TBCD: variants seen among roughly 807,000 people sequenced by gnomAD.
TBCD encodes tubulin folding cofactor D, also known as tubulin-specific chaperone D.
TBCD carries 105 observed loss-of-function variants against 169.3 expected under a neutral mutation model. That is an observed-to-expected ratio of 0.62 (90% CI 0.53 to 0.73). TBCD has a LOEUF of 0.73. Among genes scored for constraint, TBCD ranks in the 30% least tolerant of loss-of-function variants. The probability of loss-of-function intolerance (pLI) is 0.00; values close to 1 mark genes in which losing one functional copy is unlikely to be tolerated. For synonymous variants in TBCD, 700 were observed against 643.9 expected, an observed-to-expected ratio of 1.09 and a Z score of -1.32; for missense variants, 1,444 against 1,600.1, an observed-to-expected ratio of 0.90 and a Z score of 1.66.
At chr17:82,795,433 C>A in intron 7 of TBCD, 1 of 598,734 alleles carries the variant, frequency 1.7e-6, no homozygotes, top group Non-Finnish European at 2.1e-6. Flanking sequence ...CACAGCTGCT[C>A]TTCTGGTTTA....
At chr17:82,891,512 C>G (rs905457319) in intron 16 of TBCD, among the ~76,000 whole-genome samples, 1 of 152,198 alleles carries the variant, frequency 6.6e-6, no homozygotes, top group Non-Finnish European at 1.5e-5. Context: ...CTCCCAGCCC[C>G]GCACGGCCAT....
Position 82,857,746 on chromosome 17 carries a change from G to GGT in TBCD, c.1319-12478_1319-12477insGT, listed in dbSNP as rs1555618438. 8.1e-4 allele frequency among the ~76,000 whole-genome samples: 108 copies of GGT among 132,526 alleles called. 1 individual carries two copies. The highest frequency in any genetic ancestry group is 3.0e-3 in the African/African-American group (107 of 35,224). 86.9% of individuals were successfully genotyped at this position (132,526 alleles called of 152,430 possible). ...ACAACCTTGCTGCTTGTGTCTCATGGTTTTTTTTTTTTTTTAATTTAATTT... is the reference window on the plus strand; with the variant it reads ...ACAACCTTGCTGCTTGTGTCTCATGGGTTTTTTTTTTTTTTTTAATTTAATTT... On this transcript the variant is annotated intron_variant, in intron 13 of 38. Transcript: ENST00000355528.
At chr17:82,783,335 A>G (rs1286047330) in intron 7 of TBCD, among the ~76,000 whole-genome samples, 1 of 152,360 alleles carries the variant, frequency 6.6e-6, no homozygotes, top group East Asian at 1.9e-4. Context: ...CAACCTCCAC[A>G]TAAATGTGAC....
intron 28 of TBCD, 128 bp downstream of exon 28, chr17:82,926,619 G>C: frequency 1.3e-6 from 1 of 761,502 alleles, no homozygotes; most frequent in South Asian, 1.8e-5. Context: ...CTCTCTTCCA[G>C]AGGATCGTCA....
Position 82,830,029 on chromosome 17 carries a change from C to A in TBCD, c.1318+15095C>A, listed in dbSNP as rs1034808600. On this transcript the variant is annotated intron_variant, in intron 13 of 38. Transcript: ENST00000355528. Reference sequence around the variant, plus strand: ...TTTGTTTGTTTGTTTTTTTGAGAAGCAGCAGCTGCATTTGTAAAAATGTGA... The same window carrying A: ...TTTGTTTGTTTGTTTTTTTGAGAAGAAGCAGCTGCATTTGTAAAAATGTGA... 4.0e-6 allele frequency: 6 copies of A among 1,512,658 alleles called. No individual in the cohort carries two copies. The African/African-American group carries it at 8.3e-5, about 21-fold the overall frequency. The allele number at this position is 1,512,658 out of a possible 1,614,324, so 93.7% of individuals were successfully genotyped here.
Position 82,911,793 on chromosome 17 carries a change from A to C in TBCD, c.2038+4A>C, listed in dbSNP as rs2060660683. The C allele has an allele frequency of 6.2e-7, 1 of 1,613,850 alleles. No homozygotes were observed. Among genetic ancestry groups the C allele is most frequent in the Non-Finnish European group, 8.5e-7 (1 of 1,179,840 alleles). ...GGACAGCTCATGAGACAAGCAGGTA[A>C]GTCTGAAGGCCTTTGCAGCCCTCTG... On this transcript the variant is annotated splice_donor_region_variant and intron_variant, in intron 23 of 38. Transcript: ENST00000355528.
At position 82,832,517 on chromosome 17, in the gene TBCD, C is replaced by T. The variant is rs547483539; in HGVS notation, c.1318+17583C>T. 3 of 1,464,310 alleles carry T rather than the reference C, an allele frequency of 2.0e-6. No homozygotes were observed. The highest frequency in any genetic ancestry group is 2.8e-5 in the African/African-American group (2 of 72,224). The allele number at this position is 1,464,310 out of a possible 1,614,324, so 90.7% of individuals were successfully genotyped here. On this transcript the variant is annotated intron_variant, in intron 13 of 38. Coordinates refer to ENST00000355528, the MANE Select transcript of TBCD (RefSeq NM_005993.5). This position sits in a 1 kb window ranked among gnomAD's most constrained non-coding sequence, Gnocchi z 4.9. ...GCGTGATCACTGTCGACGCCGCGTG[C>T]ACTTCGTGGTTTCTAAAGAGGCACC...
intron 21 of TBCD, chr17:82,908,402 C>CT (rs58586203): frequency 0.012 from 5,547 of 456,596 alleles, 264 homozygotes; most frequent in African/African-American, 0.1. Context: ...TCTTTCTGGG[C>CT]TTTGAGAGAT....
At chr17:82,753,409 A>AT (rs1598356100) in intron 1 of TBCD, among the ~76,000 whole-genome samples, 1 of 124,958 alleles carries the variant, frequency 8.0e-6, no homozygotes, top group East Asian at 2.4e-4. Context: ...GTGAAGCCAG[A>AT]TTTTTTGTTC....
Position 82,937,612 on chromosome 17 carries a change from G to A in TBCD, c.3281+252G>A, listed in dbSNP as rs1011030132. The A allele has an allele frequency of 4.1e-5, 20 of 492,076 alleles. No homozygotes were observed. In the African/African-American group the frequency reaches 7.1e-4, roughly 18 times the overall value. The allele number at this position is 492,076 out of a possible 1,614,324, so 30.5% of individuals were successfully genotyped here. On this transcript the variant is annotated intron_variant, in intron 35 of 38. Coordinates refer to ENST00000355528, the MANE Select transcript of TBCD (RefSeq NM_005993.5). ...GCCCTCGCGCTCTGCCCTGGCGGGAGGGGAGGCTCCGGAAAGGAGCTGCGT... is the reference window on the plus strand; with the variant it reads ...GCCCTCGCGCTCTGCCCTGGCGGGAAGGGAGGCTCCGGAAAGGAGCTGCGT...
intron 13 of TBCD, among the ~76,000 whole-genome samples, chr17:82,867,676 T>G (rs1316903402): frequency 6.6e-6 from 1 of 152,236 alleles, no homozygotes; most frequent in African/African-American, 2.4e-5. Flanking sequence ...ACCCGCTTAT[T>G]AGAGTCAGTG....
chr17:82,853,514 G>A (rs1036583105), intron 13 of TBCD, among the ~76,000 whole-genome samples: 2 of 151,182 alleles, frequency 1.3e-5, no homozygotes, highest in Admixed American at 1.3e-4. Flanking sequence ...TCCATCCCCT[G>A]ACCTCAGCCT....
rs1216317846 is a variant in TBCD at position 82,806,164 on chromosome 17, G to C, written c.1087+153G>C. 6.6e-6 allele frequency among the ~76,000 whole-genome samples: 1 copy of C among 152,094 alleles called. No homozygotes were observed. The highest frequency in any genetic ancestry group is 1.5e-5 in the Non-Finnish European group (1 of 68,022). ...AGTGCACGGTCACTGCCCGTCCTCTGGCTCCTGAACCCAGGCCTGTCCCTG... is the reference window on the plus strand; with the variant it reads ...AGTGCACGGTCACTGCCCGTCCTCTCGCTCCTGAACCCAGGCCTGTCCCTG... On this transcript the variant is annotated intron_variant, in intron 10 of 38. Coordinates refer to ENST00000355528, the MANE Select transcript of TBCD (RefSeq NM_005993.5). The surrounding 1 kb of genome is among the most constrained non-coding windows in gnomAD (Gnocchi z 5.1).
At chr17:82,810,791 C>T (rs2051378776) in intron 12 of TBCD, among the ~76,000 whole-genome samples, 1 of 152,250 alleles carries the variant, frequency 6.6e-6, no homozygotes, top group South Asian at 2.1e-4. Flanking sequence ...GAAAGCTGTG[C>T]TGTCAGCACT....
chr17:82,928,004 C>A lies in TBCD; in HGVS notation c.2693+16C>A. The A allele has an allele frequency of 6.2e-7, 1 of 1,606,202 alleles. No individual in the cohort carries two copies. The highest frequency in any genetic ancestry group is 1.1e-5 in the South Asian group (1 of 91,046). ...AGGCCCATACGTGAGTGTCACGTCG[C>A]AGCTCTTCTGCATCCTAGAGGGCAG... On this transcript the variant is annotated intron_variant, in intron 30 of 38. Transcript: ENST00000355528.
At position 82,835,209 on chromosome 17, in the gene TBCD, C is replaced by T. The variant is rs1487770137; in HGVS notation, c.1318+20275C>T. Among the ~76,000 whole-genome samples, 1 of 152,112 alleles carries T rather than the reference C, an allele frequency of 6.6e-6. No homozygotes were observed. The highest frequency in any genetic ancestry group is 1.9e-4 in the East Asian group (1 of 5,190). On this transcript the variant is annotated intron_variant, in intron 13 of 38. Transcript: ENST00000355528. The surrounding 1 kb of genome is among the most constrained non-coding windows in gnomAD (Gnocchi z 4.5). ...TGGCTAAAAGTCAAGTGAAAAGCCG[C>T]CCCTTGAAAATAGAGCAACGTGTGT...
intron 13 of TBCD, among the ~76,000 whole-genome samples, chr17:82,868,434 G>T (rs1431787152): frequency 6.6e-6 from 1 of 152,174 alleles, no homozygotes; most frequent in African/African-American, 2.4e-5. Flanking sequence ...GTCGTGGCTG[G>T]GCTGAGAGGA....
rs74002550 is a variant in TBCD at position 82,838,885 on chromosome 17, C to T, written c.1318+23951C>T. 3,949 of 985,384 alleles carry T rather than the reference C, an allele frequency of 4.0e-3. 34 individuals carry two copies. Among genetic ancestry groups the T allele is most frequent in the African/African-American group, 0.036 (2,045 of 57,334 alleles). The allele number at this position is 985,384 out of a possible 1,614,324, so 61.0% of individuals were successfully genotyped here. A position where few individuals can be genotyped will look rare whatever the true frequency, so the allele number is the denominator to read the frequency against. Reference sequence around the variant, plus strand: ...CAGTCGCCGCCTCATCCTGAAACTCCGGTCAGAAATGCTGGAAGGCCTTTG... The same window carrying T: ...CAGTCGCCGCCTCATCCTGAAACTCTGGTCAGAAATGCTGGAAGGCCTTTG... On this transcript the variant is annotated intron_variant, in intron 13 of 38. Coordinates refer to ENST00000355528, the MANE Select transcript of TBCD (RefSeq NM_005993.5).
intron 13 of TBCD, among the ~76,000 whole-genome samples, chr17:82,848,588 C>G (rs964949051): frequency 6.6e-6 from 1 of 152,204 alleles, no homozygotes; most frequent in Non-Finnish European, 1.5e-5. Context: ...GAGGGTGCCT[C>G]TACATGCACA....
Sources: allele counts gnomAD v4.1 joint callset (sites outside exome capture counted in the v4.1 genomes callset), GRCh38; gene constraint gnomAD v4.1.1; non-coding constraint Gnocchi (gnomAD v3.1); transcripts MANE v1.5; gene names NCBI Gene and HGNC (gene_info 2026-07-23, HGNC 2026-07-21).